The following XXYLT1 variants were observed in gnomAD, a reference collection of about 807,000 sequenced individuals.
XXYLT1 encodes the protein xyloside xylosyltransferase 1.
Under a neutral mutation model 28.9 loss-of-function variants are expected in XXYLT1, and 20 were observed. The observed-to-expected ratio is 0.69, with a 90% CI of 0.49 to 1.00. XXYLT1 has a LOEUF of 1.00. XXYLT1 is among the 50% of genes least tolerant of loss of function. XXYLT1 has a pLI of 0.00. For missense variants in XXYLT1, 542 were observed against 560.1 expected (o/e 0.97, Z 0.33); for synonymous variants, 257 against 253.8 (o/e 1.01, Z -0.12).
chr3:195,130,282 T>C (rs1718838527), intron 3 of XXYLT1, among the ~76,000 whole-genome samples: 3 of 152,214 alleles, frequency 2.0e-5, no homozygotes, highest in African/African-American at 7.2e-5. Flanking sequence ...ACTCTGGAGC[T>C]GGCTTTGAAG....
intron 3 of XXYLT1, among the ~76,000 whole-genome samples, chr3:195,126,192 C>T (rs1325204314): frequency 2.0e-5 from 3 of 152,204 alleles, no homozygotes; most frequent in African/African-American, 7.2e-5. Flanking sequence ...GGTCGAGAGG[C>T]CCACTCAGTG....
chr3:195,070,243 AC>A, intron 3 of XXYLT1, 132 bp from the exon 4 acceptor site: 1 of 1,216,226 alleles, frequency 8.2e-7, no homozygotes, highest in African/African-American at 1.5e-5. Context: ...GCATCACTAC[AC>A]CAGCAAGTGG....
chr3:195,088,689 G>A (rs866788683), intron 3 of XXYLT1, among the ~76,000 whole-genome samples: 37 of 141,488 alleles, frequency 2.6e-4, no homozygotes, highest in Admixed American at 4.4e-4. Flanking sequence ...TGACTTTGAC[G>A]AGCTGAGAGA....
Position 195,204,377 on chromosome 3 carries a change from AC to A in XXYLT1, c.652+22331del, listed in dbSNP as rs543206979. Among the ~76,000 whole-genome samples, 17 of 151,420 alleles carry A rather than the reference AC, an allele frequency of 1.1e-4. No homozygotes were observed. In the East Asian group the frequency reaches 3.3e-3, roughly 29 times the overall value. ...AAAAGAGAGAGAGAGAGAGAAAACT[AC>A]CATCATCTTAAGCAAAGCTGGCATG... On this transcript the variant is annotated intron_variant, in intron 2 of 3. Transcript: ENST00000310380.
intron 3 of XXYLT1, chr3:195,094,587 C>T (rs1355055991): frequency 6.5e-6 from 1 of 153,974 alleles, no homozygotes; most frequent in Non-Finnish European, 1.5e-5. Flanking sequence ...CACAAGCCCC[C>T]TCAGCGGGGA....
intron 1 of XXYLT1, among the ~76,000 whole-genome samples, chr3:195,245,318 G>A (rs926404498): frequency 5.9e-5 from 9 of 151,484 alleles, no homozygotes; most frequent in South Asian, 2.1e-4. Flanking sequence ...GCACCACCAC[G>A]CCCAGCTAGT....
chr3:195,103,645 T>C (rs1577029027), intron 3 of XXYLT1, among the ~76,000 whole-genome samples: 2 of 152,306 alleles, frequency 1.3e-5, no homozygotes, highest in African/African-American at 4.8e-5. Context: ...CTCAGATAAA[T>C]GACAGAAGAG....
chr3:195,114,871 C>T (rs1051626298), intron 3 of XXYLT1, among the ~76,000 whole-genome samples: 12 of 152,218 alleles, frequency 7.9e-5, no homozygotes, highest in African/African-American at 2.4e-4. Flanking sequence ...GTCTCCCTGC[C>T]GGTGCAAGGA....
intron 2 of XXYLT1, among the ~76,000 whole-genome samples, chr3:195,199,299 C>T (rs6788257): frequency 0.051 from 7,714 of 152,116 alleles, 606 homozygotes; most frequent in African/African-American, 0.18. Context: ...TTTGCGGTTG[C>T]GTATGCCTAC....
At chr3:195,097,862 G>A (rs2108672176) in intron 3 of XXYLT1, among the ~76,000 whole-genome samples, 1 of 151,080 alleles carries the variant, frequency 6.6e-6, no homozygotes, top group South Asian at 2.1e-4. Context: ...GGGCAGGAAA[G>A]ACGCTTCAAA....
intron 3 of XXYLT1, among the ~76,000 whole-genome samples, chr3:195,139,053 A>G (rs1171887257): frequency 6.7e-6 from 1 of 150,360 alleles, no homozygotes; most frequent in Non-Finnish European, 1.5e-5. Context: ...TGGTGAGAGG[A>G]GAGGTGGGTG....
At chr3:195,169,544 T>C (rs530700873) in intron 2 of XXYLT1, among the ~76,000 whole-genome samples, 2 of 152,352 alleles carry the variant, frequency 1.3e-5, no homozygotes, top group South Asian at 4.1e-4. Flanking sequence ...CCCGCCACAA[T>C]GCGGTTCCAC....
At chr3:195,197,987 TCA>T (rs776317420) in intron 2 of XXYLT1, among the ~76,000 whole-genome samples, 1 of 152,230 alleles carries the variant, frequency 6.6e-6, no homozygotes, top group Non-Finnish European at 1.5e-5. Context: ...TGCGCCTGGC[TCA>T]CACGCTAATC....
intron 3 of XXYLT1, among the ~76,000 whole-genome samples, chr3:195,130,475 A>G (rs1324659752): frequency 6.6e-6 from 1 of 152,276 alleles, no homozygotes; most frequent in Non-Finnish European, 1.5e-5. Flanking sequence ...GATTAAATAA[A>G]TGCTTTAACC....
chr3:195,250,661 T>A (rs1024809491), intron 1 of XXYLT1, among the ~76,000 whole-genome samples: 1 of 152,126 alleles, frequency 6.6e-6, no homozygotes, highest in Non-Finnish European at 1.5e-5. Context: ...ACATACTATA[T>A]GATTTATTCA....
intron 2 of XXYLT1, among the ~76,000 whole-genome samples, chr3:195,189,132 C>G (rs1301860934): frequency 3.5e-5 from 5 of 143,668 alleles, no homozygotes; most frequent in African/African-American, 7.4e-5. Flanking sequence ...TATATTATTT[C>G]CATTTATAGA....
chr3:195,102,230 AG>A (rs1210472564), intron 3 of XXYLT1, among the ~76,000 whole-genome samples: 1 of 152,234 alleles, frequency 6.6e-6, no homozygotes, highest in Non-Finnish European at 1.5e-5. Flanking sequence ...TGGTTACAAT[AG>A]TCAAGCAAAT....
rs1250811691 is a variant in XXYLT1 at position 195,150,833 on chromosome 3, CG to C, written c.785+5615del. Among the ~76,000 whole-genome samples, 6,364 of 132,994 alleles carry C rather than the reference CG, an allele frequency of 0.048. 508 individuals carry two copies. Among genetic ancestry groups the C allele is most frequent in the African/African-American group, 0.16 (6,005 of 37,362 alleles). 87.2% of individuals were successfully genotyped at this position (132,994 alleles called of 152,430 possible). ...TCACATACACACACACTCACACATA[CG>C]CACACTCTCTCACACACTCTCACAC... On this transcript the variant is annotated intron_variant, in intron 3 of 3. Transcript: ENST00000310380. The surrounding 1 kb of genome is among the most constrained non-coding windows in gnomAD (Gnocchi z 4.7).
At chr3:195,229,305 A>C (rs1204337052) in intron 1 of XXYLT1, among the ~76,000 whole-genome samples, 2 of 152,146 alleles carry the variant, frequency 1.3e-5, no homozygotes, top group African/African-American at 4.8e-5. Flanking sequence ...TATATGAGAT[A>C]TTTTCATACA....
Sources: allele counts gnomAD v4.1 joint callset (sites outside exome capture counted in the v4.1 genomes callset), GRCh38; gene constraint gnomAD v4.1.1; non-coding constraint Gnocchi (gnomAD v3.1); transcripts MANE v1.5; gene names NCBI Gene and HGNC (gene_info 2026-07-23, HGNC 2026-07-21).